BNIP2: variants seen among roughly 807,000 people sequenced by gnomAD.
BNIP2 encodes BCL2 interacting protein 2.
In BNIP2, 36 loss-of-function variants were observed where a neutral mutation model predicts 43.4. The ratio of observed to expected loss-of-function variants is 0.83; its 90% CI spans 0.64 to 1.10. The LOEUF is 1.10. Among genes scored for constraint, BNIP2 ranks in the 50% least tolerant of loss-of-function variants. The pLI, the probability that BNIP2 is intolerant of heterozygous loss-of-function variation, is 0.00. For synonymous variants in BNIP2, 146 were observed against 121.0 expected (o/e 1.21, Z -1.35); for missense variants, 417 against 374.1 (o/e 1.11, Z -0.95).
At chr15:59,677,349 T>G in intron 5 of BNIP2, 1 of 1,549,846 alleles carries the variant, frequency 6.5e-7, no homozygotes. Context: ...GCCAGCATCG[T>G]CTTCCATGGG....
At chr15:59,688,530 T>C (rs1163033310) in intron 1 of BNIP2, 1 of 594,618 alleles carries the variant, frequency 1.7e-6, no homozygotes, top group Non-Finnish European at 2.9e-6. Flanking sequence ...GACAAGTAAC[T>C]CTCCAGCGGC....
At chr15:59,682,368 T>C in intron 2 of BNIP2, 40 bp downstream of exon 2, 1 of 1,544,908 alleles carries the variant, frequency 6.5e-7, no homozygotes. Flanking sequence ...AATTTTGAAC[T>C]TTTGCTCTAA....
chr15:59,666,088 T>A (rs1159015559), intron 9 of BNIP2, among the ~76,000 whole-genome samples: 2 of 30,804 alleles, frequency 6.5e-5, no homozygotes, highest in African/African-American at 2.3e-4. Context: ...TTTAACAATC[T>A]GTATCTGCAT....
At chr15:59,674,719 T>G (rs940179350) in intron 5 of BNIP2, among the ~76,000 whole-genome samples, 6 of 152,214 alleles carry the variant, frequency 3.9e-5, no homozygotes, top group African/African-American at 1.4e-4. Flanking sequence ...TAAGGTAGTA[T>G]GACATGCTCT....
chr15:59,671,570 T>C (rs1892923746), intron 6 of BNIP2, among the ~76,000 whole-genome samples: 1 of 152,208 alleles, frequency 6.6e-6, no homozygotes, highest in Non-Finnish European at 1.5e-5. Context: ...GGGAACAAAG[T>C]ATAAATTGGT....
chr15:59,672,348 A>C, intron 6 of BNIP2: 1 of 223,834 alleles, frequency 4.5e-6, no homozygotes, highest in Non-Finnish European at 8.8e-6. Flanking sequence ...ATCACAGTTC[A>C]CTGCAGCTTT....
At chr15:59,679,807 AATGCTTAG>A in intron 3 of BNIP2, 39 bp from the exon 4 acceptor site, 2 of 1,434,692 alleles carry the variant, frequency 1.4e-6, no homozygotes, top group Non-Finnish European at 1.8e-6. Flanking sequence ...CGTAACAAGG[AATGCTTAG>A]ATGCTAAAGT....
In BNIP2 at chr15:59,679,650, C is replaced by T. The variant is rs750162245; in HGVS notation, c.237G>A (p.Glu79=). Residue 79 remains glutamate, a synonymous_variant, in exon 4 of 10, where the codon GAG becomes GAA. Transcript: ENST00000607373. The stretch of plus-strand genomic sequence containing the variant: ...GTGTGTCTAAGCCATCTAAGTCAAT[C>T]TCCCCACTTTCATCCAAATCATCTG... ...VLSDDLDESG[E]IDLDGLDTPS... is the part of the protein sequence containing the mutation. 1 of 1,613,270 alleles carries T rather than the reference C, an allele frequency of 6.2e-7. No individual in the cohort carries two copies. The highest frequency in any genetic ancestry group is 1.1e-5 in the South Asian group (1 of 91,000).
chr15:59,666,730 T>A (rs1295413971), intron 9 of BNIP2, among the ~76,000 whole-genome samples: 1 of 152,104 alleles, frequency 6.6e-6, no homozygotes, highest in African/African-American at 2.4e-5. Context: ...ATTTTCAGAT[T>A]GACAAAAATT....
intron 1 of BNIP2, among the ~76,000 whole-genome samples, chr15:59,688,147 G>A (rs576490569): frequency 6.6e-6 from 1 of 152,280 alleles, no homozygotes; most frequent in East Asian, 1.9e-4. Context: ...TGAAGACTAG[G>A]AATAGAGTTT....
At chr15:59,668,776 G>A (rs1031062201) in intron 9 of BNIP2, 116 bp downstream of exon 9, 35 of 845,020 alleles carry the variant, frequency 4.1e-5, no homozygotes, top group African/African-American at 1.4e-4. Flanking sequence ...ACACACACGC[G>A]CGCGCGCGCA....
chr15:59,687,448 T>G (rs529510434), intron 1 of BNIP2, among the ~76,000 whole-genome samples: 23 of 151,598 alleles, frequency 1.5e-4, no homozygotes, highest in African/African-American at 5.6e-4. Context: ...ACCTCCCAGG[T>G]TCAAGTGATT....
intron 1 of BNIP2, among the ~76,000 whole-genome samples, chr15:59,686,961 G>A (rs778232599): frequency 1.2e-4 from 18 of 152,212 alleles, no homozygotes; most frequent in Admixed American, 2.0e-4. Flanking sequence ...AGGTTGCAGT[G>A]AGCCGAGATT....
chr15:59,666,238 G>C (rs1020138880), intron 9 of BNIP2, among the ~76,000 whole-genome samples: 1 of 152,046 alleles, frequency 6.6e-6, no homozygotes, highest in Non-Finnish European at 1.5e-5. Context: ...TCAAGAAAAT[G>C]GTTTTGCCCC....
chr15:59,668,795 AAATAT>A (rs1892721537), intron 9 of BNIP2, 92 bp downstream of exon 9: 1 of 1,134,212 alleles, frequency 8.8e-7, no homozygotes, highest in Non-Finnish European at 1.3e-6. Context: ...CACAGTTATA[AAATAT>A]AATACATAAA....
intron 4 of BNIP2, chr15:59,678,648 T>G: frequency 8.5e-7 from 1 of 1,176,458 alleles, no homozygotes; most frequent in Non-Finnish European, 1.1e-6. Context: ...AGCCAAAGCA[T>G]AAGCACCAAT....
intron 7 of BNIP2, 91 bp downstream of exon 7, chr15:59,671,089 TAAA>T: frequency 3.2e-6 from 3 of 943,480 alleles, no homozygotes; most frequent in Non-Finnish European, 4.3e-6. Flanking sequence ...AAAAAAAAGT[TAAA>T]AAAAAAAAAT....
chr15:59,679,056 TA>T (rs1893487866), intron 4 of BNIP2, among the ~76,000 whole-genome samples: 1 of 152,174 alleles, frequency 6.6e-6, no homozygotes, highest in East Asian at 1.9e-4. Context: ...AAAAAATATG[TA>T]AAAATTATAA....
intron 5 of BNIP2, among the ~76,000 whole-genome samples, chr15:59,674,848 C>T (rs11071469): frequency 0.33 from 49,967 of 152,088 alleles, 8,545 homozygotes; most frequent in East Asian, 0.54. Flanking sequence ...ACTTTTATGG[C>T]TTTTCCTATT....
Sources: allele counts gnomAD v4.1 joint callset (sites outside exome capture counted in the v4.1 genomes callset), GRCh38; gene constraint gnomAD v4.1.1; transcripts MANE v1.5; gene names NCBI Gene and HGNC (gene_info 2026-07-23, HGNC 2026-07-21).